Variants in GRSF1 observed in about 807,000 individuals in gnomAD.
The protein encoded by GRSF1 is G-rich RNA sequence binding factor 1.
GRSF1 carries 50 observed loss-of-function variants against 51.1 expected under a neutral mutation model. The ratio of observed to expected loss-of-function variants is 0.98; its 90% CI spans 0.78 to 1.24. GRSF1 has a LOEUF of 1.24. GRSF1 is among the 50% of genes most tolerant of loss of function. GRSF1 has a pLI of 0.00. For missense variants in GRSF1, 700 were observed against 639.7 expected (o/e 1.09, Z -1.02); for synonymous variants, 293 against 253.3 (o/e 1.16, Z -1.49).
In GRSF1 at chr4:70,818,015, T is replaced by A. The variant is rs1252608372; in HGVS notation, c.*2872A>T. 1 of 152,238 alleles carries A rather than the reference T, an allele frequency of 6.6e-6. No homozygotes were observed. Among genetic ancestry groups the A allele is most frequent in the Non-Finnish European group, 1.5e-5 (1 of 68,092 alleles). The allele number at this position is 152,238 out of a possible 1,614,324, so 9.4% of individuals were successfully genotyped here. ...TGTCTTCCGATAATTTAGGGGAAACTCTCAGAACAATGGAGTTTTTTGTAT... is the reference window on the plus strand; with the variant it reads ...TGTCTTCCGATAATTTAGGGGAAACACTCAGAACAATGGAGTTTTTTGTAT... On this transcript the variant is annotated 3_prime_UTR_variant, in exon 10 of 10. Coordinates refer to ENST00000254799, the MANE Select transcript of GRSF1 (RefSeq NM_002092.4).
intron 5 of GRSF1, among the ~76,000 whole-genome samples, chr4:70,830,329 T>C (rs1424536886): frequency 6.6e-6 from 1 of 151,738 alleles, no homozygotes; most frequent in Non-Finnish European, 1.5e-5. Flanking sequence ...CCTATTGTTC[T>C]AGCTAGTTGG....
chr4:70,836,272 CAG>C lies in GRSF1; in HGVS notation c.398_399del (p.Pro133ArgfsTer3), dbSNP rs1264034428. 10 of 1,601,906 alleles carry C rather than the reference CAG, an allele frequency of 6.2e-6. No individual in the cohort carries two copies. The highest frequency in any genetic ancestry group is 4.0e-5 in the African/African-American group (3 of 74,204). On this transcript the variant is annotated frameshift_variant, in exon 2 of 10. Transcript: ENST00000254799. LOFTEE classifies it high-confidence loss of function. ...AACTTGGACGGGGCCAATTCATACTCAGGGGGTGGTGGAAGGTCTTCCAGGTA... is the reference window on the plus strand; with the variant it reads ...AACTTGGACGGGGCCAATTCATACTCGGGGTGGTGGAAGGTCTTCCAGGTA... ...TTYLEDLPPPPEYELAPSKLE... is the reference protein window; with the variant it reads ...TTYLEDLPPPXEYELAPSKLE...
intron 1 of GRSF1, among the ~76,000 whole-genome samples, chr4:70,837,868 G>A (rs1734280741): frequency 1.3e-5 from 2 of 151,482 alleles, no homozygotes; most frequent in South Asian, 4.2e-4. Flanking sequence ...TCGAACTCCT[G>A]ACCTCAGGTG....
intron 9 of GRSF1, among the ~76,000 whole-genome samples, chr4:70,821,705 G>A (rs1409125561): frequency 4.3e-4 from 52 of 120,586 alleles, no homozygotes; most frequent in African/African-American, 1.3e-3. Context: ...ACAGAGTTTC[G>A]TTCTGTCATC....
intron 5 of GRSF1, among the ~76,000 whole-genome samples, chr4:70,829,612 A>C (rs1180544849): frequency 6.6e-6 from 1 of 152,066 alleles, no homozygotes; most frequent in Non-Finnish European, 1.5e-5. Flanking sequence ...TGTATCACAC[A>C]ACTGCACTCC....
Position 70,819,472 on chromosome 4 carries a change from G to A in GRSF1, c.*1415C>T, listed in dbSNP as rs1733426663. On this transcript the variant is annotated 3_prime_UTR_variant, in exon 10 of 10. Coordinates refer to ENST00000254799, the MANE Select transcript of GRSF1 (RefSeq NM_002092.4). The stretch of plus-strand genomic sequence containing the variant: ...TACTTATATTAATATAGCAGGACTT[G>A]AGGTAATAATATATTCAGTTGACTC... The A allele has an allele frequency of 6.6e-6, 1 of 152,134 alleles. No homozygotes were observed. Among genetic ancestry groups the A allele is most frequent in the Admixed American group, 6.6e-5 (1 of 15,260 alleles). The allele number at this position is 152,134 out of a possible 1,614,324, so 9.4% of individuals were successfully genotyped here.
At chr4:70,826,297 T>C in intron 6 of GRSF1, 52 bp from the exon 7 acceptor site, 1 of 1,487,382 alleles carries the variant, frequency 6.7e-7, no homozygotes. Context: ...TCAAGGGTTA[T>C]TAACAGATTC....
chr4:70,825,003 G>C (rs2148837082), intron 8 of GRSF1, among the ~76,000 whole-genome samples: 1 of 152,188 alleles, frequency 6.6e-6, no homozygotes. Flanking sequence ...TCAGGTGGCT[G>C]AGGCAGGAGA....
chr4:70,840,192 T>G (rs1734416616), upstream of GRSF1, among the ~76,000 whole-genome samples: 1 of 135,752 alleles, frequency 7.4e-6, no homozygotes. Context: ...TGGGCGGGGC[T>G]GCCCATGGTT....
chr4:70,833,969 TAATGA>T (rs1734089903), intron 2 of GRSF1, among the ~76,000 whole-genome samples: 1 of 152,128 alleles, frequency 6.6e-6, no homozygotes, highest in South Asian at 2.1e-4. Flanking sequence ...CTAAAAAAAT[TAATGA>T]AATAGCCAGG....
At chr4:70,823,283 G>C (rs1733595964) in intron 9 of GRSF1, among the ~76,000 whole-genome samples, 1 of 152,068 alleles carries the variant, frequency 6.6e-6, no homozygotes, top group South Asian at 2.1e-4. Context: ...TGTAATCCCA[G>C]CTACTTGGGA....
intron 7 of GRSF1, 60 bp from the exon 8 acceptor site, chr4:70,825,491 C>T: frequency 7.3e-7 from 1 of 1,373,040 alleles, no homozygotes; most frequent in Admixed American, 2.3e-5. Context: ...ACCTAGAAGT[C>T]TGGTGGCTCT....
In GRSF1 at chr4:70,839,737, G is replaced by T; in HGVS notation, c.91C>A (p.Pro31Thr). The T allele has an allele frequency of 6.7e-7, 1 of 1,503,096 alleles. No homozygotes were observed. The highest frequency in any genetic ancestry group is 8.8e-7 in the Non-Finnish European group (1 of 1,133,528). The allele number at this position is 1,503,096 out of a possible 1,614,324, so 93.1% of individuals were successfully genotyped here. Residue 31 changes from proline to threonine, a missense_variant, in exon 1 of 10, where the codon CCC (proline) becomes ACC (threonine). Physicochemically the swap from Pro to Thr is conservative, Grantham distance 38. Transcript: ENST00000254799. ...SCRRTGAACL[P>T]FYSAAGSIPS... Reference sequence around the variant, plus strand: ...ATAGAGCCAGCGGCGGAGTAGAAGGGCAGGCAGGCGGCGCCGGTGCGCCGG... The same window carrying T: ...ATAGAGCCAGCGGCGGAGTAGAAGGTCAGGCAGGCGGCGCCGGTGCGCCGG...
chr4:70,819,746 A>G lies in GRSF1; in HGVS notation c.*1141T>C, dbSNP rs1446440167. ...AGAACAGGAACAAGGCAAAGAAAGC[A>G]TACAGGATTTTGATTCTCCTACACA... On this transcript the variant is annotated 3_prime_UTR_variant, in exon 10 of 10. Coordinates refer to ENST00000254799, the MANE Select transcript of GRSF1 (RefSeq NM_002092.4). The G allele has an allele frequency of 2.0e-5, 3 of 152,678 alleles. No homozygotes were observed. The highest frequency in any genetic ancestry group is 1.3e-4 in the Admixed American group (2 of 15,284). The allele number at this position is 152,678 out of a possible 1,614,324, so 9.5% of individuals were successfully genotyped here. A position where few individuals can be genotyped will look rare whatever the true frequency, so the allele number is the denominator to read the frequency against.
At chr4:70,826,629 C>CA (rs1171260900) in intron 6 of GRSF1, among the ~76,000 whole-genome samples, 11 of 151,776 alleles carry the variant, frequency 7.2e-5, no homozygotes, top group Non-Finnish European at 1.3e-4. Flanking sequence ...CACTTGAGCC[C>CA]AGGAGTTCGA....
Position 70,831,522 on chromosome 4 carries a change from G to GT in GRSF1, c.950+16dup. On this transcript the variant is annotated intron_variant, in intron 5 of 9. Coordinates refer to ENST00000254799, the MANE Select transcript of GRSF1 (RefSeq NM_002092.4). ...AATGTGTAACACTTCTGCATCATTA[G>GT]TATCTGCTTTACTCACCGATTACCA... 6.2e-7 allele frequency: 1 copy of GT among 1,608,306 alleles called. No homozygotes were observed. The highest frequency in any genetic ancestry group is 8.5e-7 in the Non-Finnish European group (1 of 1,176,294).
intron 9 of GRSF1, among the ~76,000 whole-genome samples, chr4:70,821,133 A>T (rs1014481700): frequency 1.3e-5 from 2 of 152,216 alleles, no homozygotes; most frequent in African/African-American, 4.8e-5. Context: ...ATCCAAAAAT[A>T]GCAACAGAAG....
chr4:70,829,882 T>C (rs539522238), intron 5 of GRSF1, among the ~76,000 whole-genome samples: 1 of 152,234 alleles, frequency 6.6e-6, no homozygotes, highest in South Asian at 2.1e-4. Context: ...TTTTGTTTAC[T>C]TCAAAGGAGC....
chr4:70,822,986 A>C (rs1306389082), intron 9 of GRSF1, among the ~76,000 whole-genome samples: 1 of 152,132 alleles, frequency 6.6e-6, no homozygotes, highest in African/African-American at 2.4e-5. Flanking sequence ...AGTCCCAGCT[A>C]CTCGGGAGAC....
Sources: gnomAD v4.1 joint callset for allele counts (sites outside exome capture counted in the v4.1 genomes callset) on GRCh38, gnomAD v4.1.1 for gene constraint, MANE v1.5 for transcripts, NCBI Gene and HGNC (gene_info 2026-07-23, HGNC 2026-07-21) for gene names.